ZNF680: variants seen among roughly 807,000 people sequenced by gnomAD.
The protein encoded by ZNF680 is hypothetical protein FLJ90430.
ZNF680 carries 6 observed loss-of-function variants against 12.1 expected under a neutral mutation model. The ratio of observed to expected loss-of-function variants is 0.49; its 90% CI spans 0.27 to 0.98. The LOEUF (loss-of-function observed/expected upper bound fraction) is 0.98. ZNF680 is among the 50% of genes least tolerant of loss of function. The pLI is 0.12. For missense variants in ZNF680, 561 were observed against 616.3 expected (o/e 0.91, Z 0.95); for synonymous variants, 170 against 199.3 (o/e 0.85, Z 1.24).
At chr7:64,555,725 TAA>T (rs200640611) in intron 1 of ZNF680, among the ~76,000 whole-genome samples, 354 of 121,912 alleles carry the variant, frequency 2.9e-3, no homozygotes, top group African/African-American at 9.7e-3. Context: ...TAAACCTTTG[TAA>T]AAAAAAATAT....
intron 1 of ZNF680, among the ~76,000 whole-genome samples, chr7:64,555,020 G>A (rs1199446999): frequency 6.6e-6 from 1 of 151,994 alleles, no homozygotes; most frequent in African/African-American, 2.4e-5. Flanking sequence ...ATCTGTGGAT[G>A]TACATGAATA....
At chr7:64,510,546 C>T in the ZNF680 span, among the ~76,000 whole-genome samples, 68 of 152,100 alleles carry the variant, frequency 4.5e-4, no homozygotes, top group African/African-American at 1.6e-3. Context: ...TAACACTTTC[C>T]TCTGTGCCCC....
the ZNF680 span, among the ~76,000 whole-genome samples, chr7:64,513,044 CTG>C: frequency 1.3e-5 from 2 of 152,272 alleles, no homozygotes; most frequent in South Asian, 4.1e-4. Context: ...CCTTTAAAAA[CTG>C]TTCTATTTGC....
chr7:64,553,847 G>C (rs909376258), intron 1 of ZNF680, among the ~76,000 whole-genome samples: 1 of 152,096 alleles, frequency 6.6e-6, no homozygotes, highest in Non-Finnish European at 1.5e-5. Context: ...ACGGCCTCCC[G>C]AGGTGCCGGG....
chr7:64,508,713 A>G, the ZNF680 span, among the ~76,000 whole-genome samples: 2 of 152,166 alleles, frequency 1.3e-5, no homozygotes, highest in Admixed American at 1.3e-4. Context: ...GGCTTGGGCT[A>G]TACCTCAGTG....
intron 1 of ZNF680, 108 bp downstream of exon 1, chr7:64,562,817 G>T: frequency 1.5e-6 from 2 of 1,324,426 alleles, no homozygotes; most frequent in South Asian, 1.2e-5. Context: ...AACTCGGGCC[G>T]CGGATTTTGG....
the ZNF680 span, among the ~76,000 whole-genome samples, chr7:64,511,298 A>C: frequency 1.3e-5 from 2 of 152,030 alleles, no homozygotes; most frequent in Non-Finnish European, 2.9e-5. Flanking sequence ...AAAACCTAAA[A>C]CACAAAAACT....
At chr7:64,532,986 T>C (rs1050497065) in intron 3 of ZNF680, among the ~76,000 whole-genome samples, 1 of 152,118 alleles carries the variant, frequency 6.6e-6, no homozygotes, top group Admixed American at 6.5e-5. Flanking sequence ...TGATTAAAAC[T>C]CTCAGCAAAA....
At chr7:64,512,639 A>T in the ZNF680 span, among the ~76,000 whole-genome samples, 1 of 152,118 alleles carries the variant, frequency 6.6e-6, no homozygotes, top group Non-Finnish European at 1.5e-5. Flanking sequence ...TAAAATCCCT[A>T]AAAACTGTAT....
intron 1 of ZNF680, among the ~76,000 whole-genome samples, chr7:64,559,040 A>G (rs1584414631): frequency 1.3e-5 from 2 of 152,288 alleles, no homozygotes; most frequent in South Asian, 2.1e-4. Context: ...CAGTGAATCT[A>G]TATTTTACAT....
intron 3 of ZNF680, among the ~76,000 whole-genome samples, chr7:64,527,393 A>G (rs1791920615): frequency 6.6e-6 from 1 of 151,968 alleles, no homozygotes; most frequent in South Asian, 2.1e-4. Context: ...TACATTAATT[A>G]AACTAATTAA....
the ZNF680 span, among the ~76,000 whole-genome samples, chr7:64,505,531 A>G: frequency 1.3e-5 from 2 of 152,214 alleles, no homozygotes; most frequent in Non-Finnish European, 2.9e-5. Context: ...CTGGGCTACC[A>G]GAATGGTGCA....
chr7:64,554,620 A>T (rs1455100483), intron 1 of ZNF680, among the ~76,000 whole-genome samples: 1 of 152,168 alleles, frequency 6.6e-6, no homozygotes, highest in African/African-American at 2.4e-5. Flanking sequence ...TGGACATGGG[A>T]GACTCCATTT....
intron 3 of ZNF680, among the ~76,000 whole-genome samples, chr7:64,535,742 G>A (rs1290976235): frequency 7.9e-5 from 12 of 151,820 alleles, no homozygotes; most frequent in African/African-American, 2.9e-4. Flanking sequence ...TCAGGAGTTC[G>A]AGACCAGCCT....
chr7:64,539,819 A>G (rs1477841359), intron 3 of ZNF680, among the ~76,000 whole-genome samples: 1 of 151,990 alleles, frequency 6.6e-6, no homozygotes, highest in Non-Finnish European at 1.5e-5. Context: ...GTCTTTAAAA[A>G]TAGTTTTTTT....
At chr7:64,538,485 A>C (rs1013326620) in intron 3 of ZNF680, among the ~76,000 whole-genome samples, 1 of 152,260 alleles carries the variant, frequency 6.6e-6, no homozygotes, top group African/African-American at 2.4e-5. Context: ...AATTGATACA[A>C]ATGCAAAAAA....
intron 1 of ZNF680, chr7:64,560,845 A>G (rs1278774332): frequency 2.6e-5 from 4 of 152,080 alleles, no homozygotes; most frequent in Non-Finnish European, 4.4e-5. Flanking sequence ...TAAAAAAACT[A>G]CCTGTGACAA....
chr7:64,543,222 ATTATACT>A (rs966964158), intron 3 of ZNF680, among the ~76,000 whole-genome samples: 5 of 152,194 alleles, frequency 3.3e-5, no homozygotes, highest in Admixed American at 2.6e-4. Flanking sequence ...AAAGAAGGAC[ATTATACT>A]TTATAATTTC....
chr7:64,517,669 T>A (rs1222647293), downstream of ZNF680, among the ~76,000 whole-genome samples: 1 of 151,528 alleles, frequency 6.6e-6, no homozygotes, highest in Non-Finnish European at 1.5e-5. Flanking sequence ...ACTGACCTAA[T>A]GAACACAGAG....
Sources: gnomAD v4.1 joint callset for allele counts (sites outside exome capture counted in the v4.1 genomes callset) on GRCh38, gnomAD v4.1.1 for gene constraint, MANE v1.5 for transcripts, NCBI Gene and HGNC (gene_info 2026-07-23, HGNC 2026-07-21) for gene names.